MPP1: variants seen among roughly 807,000 people sequenced by gnomAD.
The protein encoded by MPP1 is 55 kDa erythrocyte membrane protein.
In MPP1, 6 loss-of-function variants were observed where a neutral mutation model predicts 38.2. That is an observed-to-expected ratio of 0.16 (90% CI 0.09 to 0.31). MPP1 has a LOEUF of 0.31. MPP1 is among the 10% of genes least tolerant of loss of function. The pLI is 1.00. For synonymous variants in MPP1, 153 were observed against 146.3 expected, an observed-to-expected ratio of 1.05 and a Z score of -0.33; for missense variants, 293 against 368.9, an observed-to-expected ratio of 0.79 and a Z score of 1.69.
intron 1 of MPP1, chrX:154,799,928 C>G: frequency 3.4e-5 from 33 of 976,560 alleles, no homozygotes; most frequent in Admixed American, 1.3e-4. Context: ...ACAAACTTGG[C>G]GGGGGGCGGG....
chrX:154,784,995 T>G (rs782810274), intron 7 of MPP1, 56 bp downstream of exon 7: 7 of 1,090,168 alleles, frequency 6.4e-6, no homozygotes, highest in African/African-American at 5.4e-5. Flanking sequence ...TTACAGAGAC[T>G]GGGAAACACG....
At chrX:154,790,913 A>C in intron 4 of MPP1, 70 bp downstream of exon 4, 5 of 965,788 alleles carry the variant, frequency 5.2e-6, no homozygotes, top group Non-Finnish European at 7.3e-6. Context: ...AGATGAGGTC[A>C]CTGATACCAA....
Position 154,786,255 on chromosome X carries a change from C to G in MPP1, c.626G>C (p.Gly209Ala). ...DSNWWQGRVEGSSKESAGLIP... is the reference protein window; with the variant it reads ...DSNWWQGRVEASSKESAGLIP... ...CAATCCTGCTGACTCCTTGGAGGAG[C>G]CTTCCACCCGTCCCTGCCACCAATT... The change falls in exon 6 of 12, where the codon GGC becomes GCC. Residue 209 changes from glycine to alanine, a missense_variant. Gly to Ala is a moderately conservative substitution (Grantham distance 60, BLOSUM62 0). Coordinates refer to ENST00000369534, the MANE Select transcript of MPP1 (RefSeq NM_002436.4). The G allele has an allele frequency of 8.3e-7, 1 of 1,211,775 alleles. No individual in the cohort carries two copies. Among genetic ancestry groups the G allele is most frequent in the Non-Finnish European group, 1.1e-6 (1 of 895,449 alleles).
At chrX:154,794,230 C>T (rs1450263549) in intron 1 of MPP1, among the ~76,000 whole-genome samples, 1 of 111,436 alleles carries the variant, frequency 9.0e-6, no homozygotes, top group Non-Finnish European at 1.9e-5. Context: ...ACATCAATGG[C>T]AATGAATGGC....
intron 1 of MPP1, among the ~76,000 whole-genome samples, chrX:154,801,786 AC>A (rs369263777): frequency 0.039 from 2,565 of 66,344 alleles, 785 homozygotes; most frequent in African/African-American, 0.067. Context: ...AAAAAAAAAA[AC>A]AAAAAACAGA....
At chrX:154,779,866 G>C (rs1052420240) in intron 11 of MPP1, among the ~76,000 whole-genome samples, 9 of 112,955 alleles carry the variant, frequency 8.0e-5, no homozygotes, top group African/African-American at 2.2e-4. Context: ...TTACAGGCAT[G>C]CGCCACCACA....
chrX:154,781,137 T>C, intron 11 of MPP1, 102 bp downstream of exon 11: 1 of 726,784 alleles, frequency 1.4e-6, no homozygotes, highest in Non-Finnish European at 2.1e-6. Context: ...CAGCTGGAGC[T>C]GTGACCTCCA....
At chrX:154,787,244 C>T (rs2072090055) in intron 5 of MPP1, among the ~76,000 whole-genome samples, 1 of 110,776 alleles carries the variant, frequency 9.0e-6, no homozygotes, top group Non-Finnish European at 1.9e-5. Context: ...ATGGCACTTC[C>T]CAACTCATTA....
intron 6 of MPP1, 109 bp downstream of exon 6, chrX:154,786,095 A>G: frequency 1.4e-6 from 1 of 718,622 alleles, no homozygotes; most frequent in Non-Finnish European, 2.1e-6. Flanking sequence ...GAAATCTAGG[A>G]GGTCTCCTTG....
chrX:154,779,185 C>A lies in MPP1; in HGVS notation c.1393G>T (p.Val465Phe). 8.3e-7 allele frequency: 1 copy of A among 1,208,477 alleles called. No individual in the cohort carries two copies. The highest frequency in any genetic ancestry group is 1.1e-6 in the Non-Finnish European group (1 of 894,009). Residue 465 changes from valine (V) to phenylalanine (F), a missense_variant, in exon 12 of 12, where the codon GTT (valine) becomes TTT (phenylalanine). Physicochemically the swap from Val to Phe is conservative, Grantham distance 50. Coordinates refer to ENST00000369534, the MANE Select transcript of MPP1 (RefSeq NM_002436.4). ...SSPQWVPVSWVY is the reference protein window; with the variant it reads ...SSPQWVPVSWFY ...TCCCCCATTCTACAAGCTTAGTAAA[C>A]CCAGGAGACAGGCACCCACTGTGGA... is the stretch of plus-strand genomic sequence containing the variant.
At chrX:154,805,229 G>A (rs1307276816) in intron 1 of MPP1, 43 bp downstream of exon 1, 1 of 1,136,898 alleles carries the variant, frequency 8.8e-7, no homozygotes, top group Non-Finnish European at 1.2e-6. Flanking sequence ...ATGAATGGCC[G>A]AGCCCCGGCC....
chrX:154,785,215 C>CG (rs1309224061), intron 6 of MPP1, 58 bp from the exon 7 acceptor site: 81 of 910,012 alleles, frequency 8.9e-5, no homozygotes, highest in Non-Finnish European at 7.9e-5. Context: ...CATACCCCCC[C>CG]CAGCCACTCA....
In MPP1 at chrX:154,789,940, A is replaced by G; in HGVS notation, c.480+14T>C. 8.5e-7 allele frequency: 1 copy of G among 1,169,957 alleles called. No individual in the cohort carries two copies. Among genetic ancestry groups the G allele is most frequent in the East Asian group, 3.0e-5 (1 of 33,390 alleles). On this transcript the variant is annotated intron_variant, in intron 5 of 11. Transcript: ENST00000369534. ...TCCTGCCATCATGACAACAGAGAAA[A>G]TGGTGCCACCCACCTGTAGTGCAGG...
chrX:154,799,792 C>T, intron 1 of MPP1: 1 of 1,165,827 alleles, frequency 8.6e-7, no homozygotes, highest in Non-Finnish European at 1.1e-6. Flanking sequence ...GGCCTTTAAT[C>T]AGACAAAGTG....
chrX:154,801,795 A>G (rs1326963273), intron 1 of MPP1, among the ~76,000 whole-genome samples: 2 of 92,049 alleles, frequency 2.2e-5, no homozygotes, highest in African/African-American at 7.8e-5. Context: ...AACAAAAAAC[A>G]GAAAAAAGTC....
intron 11 of MPP1, among the ~76,000 whole-genome samples, chrX:154,780,326 C>G (rs782700962): frequency 1.2e-4 from 14 of 112,150 alleles, no homozygotes; most frequent in Non-Finnish European, 3.8e-5. Context: ...GCTAATTACC[C>G]TAATATAGAC....
intron 9 of MPP1, 138 bp from the exon 10 acceptor site, chrX:154,781,940 C>T: frequency 1.9e-6 from 1 of 516,065 alleles, no homozygotes; most frequent in East Asian, 3.5e-5. Flanking sequence ...CCGTGGGCTC[C>T]TGAAGAGCTG....
chrX:154,785,621 C>T (rs1422497278), intron 6 of MPP1, among the ~76,000 whole-genome samples: 2 of 112,395 alleles, frequency 1.8e-5, no homozygotes, highest in African/African-American at 6.5e-5. Context: ...TATTCAGTGT[C>T]AACCCCACAA....
intron 1 of MPP1, among the ~76,000 whole-genome samples, chrX:154,799,434 T>C (rs1050011843): frequency 4.5e-5 from 5 of 112,204 alleles, no homozygotes; most frequent in African/African-American, 1.6e-4. Context: ...CTTACAGAAC[T>C]CCTTCAACTA....
Sources: gnomAD v4.1 joint callset for allele counts (sites outside exome capture counted in the v4.1 genomes callset) on GRCh38, gnomAD v4.1.1 for gene constraint, MANE v1.5 for transcripts, NCBI Gene and HGNC (gene_info 2026-07-23, HGNC 2026-07-21) for gene names.